TMEM117: variants seen among roughly 807,000 people sequenced by gnomAD.
TMEM117 encodes transmembrane protein 117.
In TMEM117, 27 loss-of-function variants were observed where a neutral mutation model predicts 52.4. That is an observed-to-expected ratio of 0.51 (90% confidence interval 0.38 to 0.71). The LOEUF (loss-of-function observed/expected upper bound fraction) is 0.71. Ranked by LOEUF, TMEM117 falls within the 30% of genes least tolerant of loss-of-function variation. The pLI, the probability that TMEM117 is intolerant of heterozygous loss-of-function variation, is 0.00. For missense variants in TMEM117, 556 were observed against 630.5 expected (o/e 0.88, Z 1.26); for synonymous variants, 215 against 206.3 (o/e 1.04, Z -0.36).
At chr12:44,338,988 C>T (rs887340063) in intron 6 of TMEM117, among the ~76,000 whole-genome samples, 3 of 152,078 alleles carry the variant, frequency 2.0e-5, no homozygotes, top group Admixed American at 6.6e-5. Flanking sequence ...TATGAAGCTA[C>T]GGAATCTTGC....
intron 3 of TMEM117, among the ~76,000 whole-genome samples, chr12:44,108,654 C>T (rs1194045538): frequency 2.9e-5 from 2 of 69,242 alleles, no homozygotes; most frequent in Non-Finnish European, 4.5e-5. Context: ...TGAATAGTGC[C>T]GCAATAAACA....
At position 44,229,641 on chromosome 12, in the gene TMEM117, A is replaced by G. The variant is rs143857803; in HGVS notation, c.608+18254A>G. Among the ~76,000 whole-genome samples the G allele has an allele frequency of 3.6e-3, 547 of 152,222 alleles. 3 individuals carry two copies. The highest frequency in any genetic ancestry group is 0.014 in the East Asian group (75 of 5,174). On this transcript the variant is annotated intron_variant, in intron 5 of 7. Transcript: ENST00000266534. The stretch of plus-strand genomic sequence containing the variant: ...TCTTTTGACTTCTTCTAATCTCTGG[A>G]AGACTTTCCCTCTCATTTGCCTCCT...
chr12:43,998,091 G>T (rs192312006), intron 3 of TMEM117, among the ~76,000 whole-genome samples: 182 of 152,214 alleles, frequency 1.2e-3, no homozygotes, highest in African/African-American at 3.1e-3. Flanking sequence ...TGTTTAAAGC[G>T]CTATGGAATC....
chr12:44,398,914 T>C, the TMEM117 span, among the ~76,000 whole-genome samples: 1 of 152,210 alleles, frequency 6.6e-6, no homozygotes, highest in Non-Finnish European at 1.5e-5. Context: ...TTCCCTCTAG[T>C]TATTTGTATG....
the TMEM117 span, chr12:43,796,858 T>C: frequency 8.9e-7 from 1 of 1,118,578 alleles, no homozygotes; most frequent in Non-Finnish European, 1.3e-6. Flanking sequence ...CCTAAGGATT[T>C]AGGATGATAA....
At chr12:44,047,078 CTGTA>C (rs1444634522) in intron 3 of TMEM117, among the ~76,000 whole-genome samples, 1 of 151,932 alleles carries the variant, frequency 6.6e-6, no homozygotes, top group Non-Finnish European at 1.5e-5. Context: ...CTGGATGTGT[CTGTA>C]TGGGTGTTGC....
intron 3 of TMEM117, among the ~76,000 whole-genome samples, chr12:44,118,476 G>A (rs1037365837): frequency 6.6e-6 from 1 of 152,110 alleles, no homozygotes; most frequent in East Asian, 1.9e-4. Context: ...ATAAAGGAAG[G>A]TATTCCAAAC....
chr12:44,367,670 G>T (rs1335844883), intron 6 of TMEM117, among the ~76,000 whole-genome samples: 2 of 151,990 alleles, frequency 1.3e-5, no homozygotes, highest in Non-Finnish European at 2.9e-5. Flanking sequence ...TCTCCCCAAA[G>T]ATTCCCAACT....
At chr12:44,077,479 A>G (rs1048500026) in intron 3 of TMEM117, among the ~76,000 whole-genome samples, 2 of 152,180 alleles carry the variant, frequency 1.3e-5, no homozygotes, top group Non-Finnish European at 2.9e-5. Context: ...TTAGAAACAT[A>G]AACAATGGCT....
At chr12:43,803,240 A>ATGTAACTCAAACTCATAAAC in the TMEM117 span, among the ~76,000 whole-genome samples, 1 of 152,200 alleles carries the variant, frequency 6.6e-6, no homozygotes, top group Admixed American at 6.5e-5. Flanking sequence ...AGATGGTATC[A>ATGTAACTCAAACTCATAAAC]TGCAGTTTAT....
chr12:43,800,349 G>T, the TMEM117 span: 2 of 890,474 alleles, frequency 2.2e-6, no homozygotes, highest in South Asian at 1.6e-5. Flanking sequence ...TTATCCATCT[G>T]AATTCGTATC....
intron 3 of TMEM117, among the ~76,000 whole-genome samples, chr12:44,133,224 C>T (rs1357192686): frequency 6.6e-6 from 1 of 152,106 alleles, no homozygotes; most frequent in Non-Finnish European, 1.5e-5. Flanking sequence ...GGTCTTGGTG[C>T]ACATGTTGAC....
intron 3 of TMEM117, among the ~76,000 whole-genome samples, chr12:44,037,831 G>C (rs1235800708): frequency 6.6e-6 from 1 of 151,894 alleles, no homozygotes; most frequent in Non-Finnish European, 1.5e-5. Flanking sequence ...GCAGAGAGGA[G>C]CTACCCACTA....
At chr12:43,796,853 G>A in the TMEM117 span, 1 of 1,037,434 alleles carries the variant, frequency 9.6e-7, no homozygotes, top group Admixed American at 2.5e-5. Flanking sequence ...GAGATCCTAA[G>A]GATTTAGGAT....
At chr12:44,325,747 T>C (rs1460286485) in intron 6 of TMEM117, among the ~76,000 whole-genome samples, 2 of 152,168 alleles carry the variant, frequency 1.3e-5, no homozygotes, top group African/African-American at 2.4e-5. Flanking sequence ...TCACCTGATA[T>C]GTGTGTGTTT....
At chr12:44,126,318 A>G (rs891195768) in intron 3 of TMEM117, among the ~76,000 whole-genome samples, 3 of 152,218 alleles carry the variant, frequency 2.0e-5, no homozygotes, top group Admixed American at 6.5e-5. Context: ...ATGTGCTTTT[A>G]TATCAGATAA....
chr12:44,017,374 A>G (rs987832728), intron 3 of TMEM117, among the ~76,000 whole-genome samples: 2 of 59,252 alleles, frequency 3.4e-5, no homozygotes, highest in African/African-American at 7.2e-5. Flanking sequence ...ATTTTTTTCT[A>G]TAGATGCCAA....
At chr12:44,248,383 T>G (rs1322327661) in intron 5 of TMEM117, 1 of 152,260 alleles carries the variant, frequency 6.6e-6, no homozygotes, top group East Asian at 1.9e-4. Context: ...ATGTTCAGTT[T>G]AGATAAGGAC....
intron 2 of TMEM117, among the ~76,000 whole-genome samples, chr12:43,924,841 T>G (rs963001004): frequency 6.6e-6 from 1 of 152,208 alleles, no homozygotes; most frequent in Admixed American, 6.5e-5. Flanking sequence ...TCTCATAGTT[T>G]CTGTGCGTGA....
Sources: allele counts gnomAD v4.1 joint callset (sites outside exome capture counted in the v4.1 genomes callset), GRCh38; gene constraint gnomAD v4.1.1; transcripts MANE v1.5; gene names NCBI Gene and HGNC (gene_info 2026-07-23, HGNC 2026-07-21).